Variants in ASIC2 observed in about 807,000 individuals in gnomAD.
ASIC2 encodes acid sensing ion channel subunit 2.
In ASIC2, 25 loss-of-function variants were observed where a neutral mutation model predicts 57.3. The observed-to-expected ratio is 0.44, with a 90% CI of 0.32 to 0.61. ASIC2 has a LOEUF of 0.61. ASIC2 is among the 20% of genes least tolerant of loss of function. The probability of loss-of-function intolerance (pLI) is 0.06; values close to 1 mark genes in which losing one functional copy is unlikely to be tolerated. For synonymous variants in ASIC2, 319 were observed against 307.5 expected, an observed-to-expected ratio of 1.04 and a Z score of -0.39; for missense variants, 641 against 738.1, an observed-to-expected ratio of 0.87 and a Z score of 1.52.
At chr17:33,594,135 T>G (rs981395452) in intron 1 of ASIC2, among the ~76,000 whole-genome samples, 1 of 152,250 alleles carries the variant, frequency 6.6e-6, no homozygotes, top group African/African-American at 2.4e-5. Flanking sequence ...CTGTTTCATG[T>G]GTCTCTGGAT....
rs1008657827 is a variant in ASIC2, at chr17:33,341,523, G to A, written c.556-229456C>T. Among the ~76,000 whole-genome samples, 5 of 152,330 alleles carry A rather than the reference G, an allele frequency of 3.3e-5. No individual in the cohort carries two copies. In the South Asian group the frequency reaches 8.3e-4, roughly 25 times the overall value. Reference sequence around the variant, plus strand: ...TTTTAAACTACAATGCTAGAGTTGAGTGGTTGCAACAGAGACCCCATGACT... The same window carrying A: ...TTTTAAACTACAATGCTAGAGTTGAATGGTTGCAACAGAGACCCCATGACT... On this transcript the variant is annotated intron_variant, in intron 1 of 9. Coordinates refer to the ASIC2 transcript ENST00000359872.
intron 1 of ASIC2, among the ~76,000 whole-genome samples, chr17:33,478,722 A>T (rs1411011645): frequency 6.6e-6 from 1 of 152,106 alleles, no homozygotes; most frequent in East Asian, 1.9e-4. Flanking sequence ...TTATTTTCTG[A>T]TGGGGAAACT....
intron 1 of ASIC2, among the ~76,000 whole-genome samples, chr17:33,650,914 G>A (rs1350432521): frequency 1.3e-5 from 2 of 152,166 alleles, no homozygotes; most frequent in Non-Finnish European, 2.9e-5. Context: ...CCTTTTGACT[G>A]TGTCAATGCC....
At chr17:33,382,312 A>G (rs1265657685) in intron 1 of ASIC2, among the ~76,000 whole-genome samples, 1 of 152,192 alleles carries the variant, frequency 6.6e-6, no homozygotes, top group Admixed American at 6.5e-5. Flanking sequence ...TTCGGTTGAA[A>G]AGAAGAATCG....
intron 1 of ASIC2, among the ~76,000 whole-genome samples, chr17:34,072,535 T>C (rs1909454890): frequency 6.6e-6 from 1 of 152,204 alleles, no homozygotes; most frequent in Non-Finnish European, 1.5e-5. Context: ...AAAAGCAATA[T>C]ATCCTTATAA....
intron 1 of ASIC2, among the ~76,000 whole-genome samples, chr17:33,861,964 C>T (rs768813621): frequency 2.9e-4 from 44 of 152,346 alleles, no homozygotes; most frequent in Non-Finnish European, 5.3e-4. Flanking sequence ...ATGCCTCCAC[C>T]TTTCTGGTCC....
chr17:33,404,433 A>C (rs1439323263), intron 1 of ASIC2, among the ~76,000 whole-genome samples: 1 of 152,256 alleles, frequency 6.6e-6, no homozygotes, highest in Non-Finnish European at 1.5e-5. Flanking sequence ...CAACACTTTC[A>C]GGACAAGAGC....
rs192735413 is a variant in ASIC2 at position 33,726,201 on chromosome 17, G to A, written c.555+429777C>T. Among the ~76,000 whole-genome samples the A allele has an allele frequency of 6.6e-5, 10 of 152,178 alleles. No individual in the cohort carries two copies. The South Asian group carries it at 1.7e-3, about 25-fold the overall frequency. Reference sequence around the variant, plus strand: ...TGGAGAGATCACGTGAAAAAGCCTCGAAACTTAGAGAGGAAGAGAAAGAGA... The same window carrying A: ...TGGAGAGATCACGTGAAAAAGCCTCAAAACTTAGAGAGGAAGAGAAAGAGA... On this transcript the variant is annotated intron_variant, in intron 1 of 9. Coordinates refer to the ASIC2 transcript ENST00000359872.
chr17:33,649,367 A>G (rs1230952666), intron 1 of ASIC2, among the ~76,000 whole-genome samples: 1 of 152,228 alleles, frequency 6.6e-6, no homozygotes, highest in Non-Finnish European at 1.5e-5. Flanking sequence ...TATGTTCAAA[A>G]CTACACATGC....
intron 1 of ASIC2, among the ~76,000 whole-genome samples, chr17:33,285,889 A>G (rs942618347): frequency 2.6e-5 from 4 of 152,208 alleles, no homozygotes; most frequent in South Asian, 2.1e-4. Context: ...CAGCTGCCCA[A>G]TGCTATTTGC....
At chr17:33,460,432 C>T (rs900059143) in intron 1 of ASIC2, among the ~76,000 whole-genome samples, 1 of 152,086 alleles carries the variant, frequency 6.6e-6, no homozygotes. Context: ...TGAGGATGAG[C>T]CTGGCACACA....
At chr17:34,031,755 G>A (rs542606692) in intron 1 of ASIC2, among the ~76,000 whole-genome samples, 1 of 152,240 alleles carries the variant, frequency 6.6e-6, no homozygotes, top group South Asian at 2.1e-4. Context: ...TGGAAGAAAG[G>A]GTATCAGTGA....
At chr17:34,138,443 T>C (rs1912182575) in intron 1 of ASIC2, among the ~76,000 whole-genome samples, 1 of 152,146 alleles carries the variant, frequency 6.6e-6, no homozygotes, top group African/African-American at 2.4e-5. Flanking sequence ...TCCCTGGAGA[T>C]CCACACATGG....
At chr17:33,281,314 C>T (rs752517602) in intron 1 of ASIC2, among the ~76,000 whole-genome samples, 15 of 152,116 alleles carry the variant, frequency 9.9e-5, no homozygotes, top group African/African-American at 1.4e-4. Context: ...TACTTTTGTA[C>T]GGCCTTAAAA....
chr17:33,351,764 A>G (rs1171082732), intron 1 of ASIC2, among the ~76,000 whole-genome samples: 1 of 152,116 alleles, frequency 6.6e-6, no homozygotes, highest in East Asian at 1.9e-4. Context: ...TGTGTTTATG[A>G]TTCTTGGGCA....
chr17:33,809,122 AG>A (rs1201466104), intron 1 of ASIC2, among the ~76,000 whole-genome samples: 1 of 152,106 alleles, frequency 6.6e-6, no homozygotes, highest in East Asian at 1.9e-4. Flanking sequence ...TGGGACTGAG[AG>A]CCTCTCAGAG....
chr17:33,298,344 G>A (rs879623407), intron 1 of ASIC2, among the ~76,000 whole-genome samples: 10 of 152,036 alleles, frequency 6.6e-5, no homozygotes, highest in Non-Finnish European at 1.3e-4. Context: ...GAGAACATGC[G>A]GTGTTTGGTT....
At chr17:33,422,218 C>T (rs1243566334) in intron 1 of ASIC2, among the ~76,000 whole-genome samples, 1 of 152,198 alleles carries the variant, frequency 6.6e-6, no homozygotes, top group African/African-American at 2.4e-5. Flanking sequence ...CCCCCATTTC[C>T]CTGTGAACTT....
At chr17:33,269,649 T>C in intron 1 of ASIC2, among the ~76,000 whole-genome samples, 1 of 80,506 alleles carries the variant, frequency 1.2e-5, no homozygotes, top group South Asian at 5.6e-4. Flanking sequence ...CTTCCTTCCT[T>C]CCTTCCTTCC....
Sources: gnomAD v4.1 joint callset for allele counts (sites outside exome capture counted in the v4.1 genomes callset) on GRCh38, gnomAD v4.1.1 for gene constraint, MANE v1.5 for transcripts, NCBI Gene and HGNC (gene_info 2026-07-23, HGNC 2026-07-21) for gene names.